The following STAMBP variants were observed in gnomAD, a reference collection of about 807,000 sequenced individuals.
The protein encoded by STAMBP is STAM-binding protein.
Under a neutral mutation model 50.7 loss-of-function variants are expected in STAMBP, and 31 were observed. The ratio of observed to expected loss-of-function variants is 0.61; its 90% CI spans 0.46 to 0.83. STAMBP has a LOEUF of 0.83. STAMBP is among the 40% of genes least tolerant of loss of function. The pLI is 0.00. For synonymous variants in STAMBP, 211 were observed against 192.4 expected, an observed-to-expected ratio of 1.10 and a Z score of -0.80; for missense variants, 472 against 518.9, an observed-to-expected ratio of 0.91 and a Z score of 0.88.
At chr2:73,853,780 A>C (rs1208834659) in intron 7 of STAMBP, among the ~76,000 whole-genome samples, 1 of 152,208 alleles carries the variant, frequency 6.6e-6, no homozygotes, top group Non-Finnish European at 1.5e-5. Context: ...ATCTATGTAC[A>C]TACACTACCT....
chr2:73,872,366 T>C (rs755405753), intron 10 of STAMBP, among the ~76,000 whole-genome samples: 1 of 152,098 alleles, frequency 6.6e-6, no homozygotes, highest in Non-Finnish European at 1.5e-5. Flanking sequence ...GCTGTTAGCT[T>C]TAGATAATAG....
At position 73,836,184 on chromosome 2, in the gene STAMBP, C is replaced by G. The variant is rs553522729; in HGVS notation, c.203+5125C>G. The stretch of plus-strand genomic sequence containing the variant: ...GTATGTACACATCTACAGGTACATT[C>G]TTTCCACACATCCCTGCTGTGCTTT... On this transcript the variant is annotated intron_variant, in intron 2 of 9. Coordinates refer to ENST00000394070, the MANE Select transcript of STAMBP (RefSeq NM_213622.4). Among the ~76,000 whole-genome samples the G allele has an allele frequency of 2.6e-5, 4 of 152,366 alleles. No homozygotes were observed. In the East Asian group the frequency reaches 7.7e-4, roughly 29 times the overall value.
chr2:73,834,538 A>G (rs1674490725), intron 2 of STAMBP, among the ~76,000 whole-genome samples: 1 of 152,000 alleles, frequency 6.6e-6, no homozygotes, highest in Admixed American at 6.6e-5. Flanking sequence ...CATGTTGAGT[A>G]GGCTGAGGAA....
chr2:73,853,212 A>T (rs1677090941), intron 7 of STAMBP, among the ~76,000 whole-genome samples: 2 of 152,116 alleles, frequency 1.3e-5, no homozygotes, highest in African/African-American at 4.8e-5. Flanking sequence ...AGACTGTAAG[A>T]GTTTAAGAAC....
At chr2:73,858,966 A>G (rs2104673909) in intron 7 of STAMBP, among the ~76,000 whole-genome samples, 1 of 151,948 alleles carries the variant, frequency 6.6e-6, no homozygotes, top group Non-Finnish European at 1.5e-5. Flanking sequence ...AACCCTATAT[A>G]TGCTATGTTT....
Position 73,834,995 on chromosome 2 carries a change from T to C in STAMBP, c.203+3936T>C, listed in dbSNP as rs117421624. On this transcript the variant is annotated intron_variant, in intron 2 of 9. Coordinates refer to ENST00000394070, the MANE Select transcript of STAMBP (RefSeq NM_213622.4). ...ACTTTATGGGCCATGGTAAGGAGTC[T>C]GTTTTTTATCTTGAGGGTAACAGCA... Among the ~76,000 whole-genome samples the C allele has an allele frequency of 2.9e-3, 448 of 152,284 alleles. 13 individuals are homozygous for C. The East Asian group carries it at 0.078, about 26-fold the overall frequency.
intron 7 of STAMBP, among the ~76,000 whole-genome samples, chr2:73,852,917 G>T (rs1372898273): frequency 2.4e-5 from 3 of 122,770 alleles, no homozygotes; most frequent in African/African-American, 6.0e-5. Flanking sequence ...ATGTTGGCCA[G>T]GTGTGTGTGT....
rs1331129172 is a variant in STAMBP at position 73,866,628 on chromosome 2, A to C, written c.*4369A>C. 1 of 152,210 alleles carries C rather than the reference A, an allele frequency of 6.6e-6. No individual in the cohort carries two copies. The highest frequency in any genetic ancestry group is 1.5e-5 in the Non-Finnish European group (1 of 68,054). The allele number at this position is 152,210 out of a possible 1,614,324, so 9.4% of individuals were successfully genotyped here. A position where few individuals can be genotyped will look rare whatever the true frequency, so the allele number is the denominator to read the frequency against. ...GTAGGAAGCCATCTGAATTTGACTCAGCATCATATGCTGGGCCTGTGCTGC... is the reference window on the plus strand; with the variant it reads ...GTAGGAAGCCATCTGAATTTGACTCCGCATCATATGCTGGGCCTGTGCTGC... On this transcript the variant is annotated 3_prime_UTR_variant, in exon 10 of 10. Coordinates refer to ENST00000394070, the MANE Select transcript of STAMBP (RefSeq NM_213622.4).
intron 7 of STAMBP, chr2:73,855,776 G>A (rs1027721768): frequency 1.6e-5 from 7 of 438,472 alleles, no homozygotes; most frequent in Non-Finnish European, 2.7e-5. Flanking sequence ...CTCAGATGAG[G>A]CTGCACATAA....
Position 73,850,383 on chromosome 2 carries a change from A to G in STAMBP, c.875A>G (p.Asn292Ser), listed in dbSNP as rs1422195395. The G allele has an allele frequency of 3.1e-6, 5 of 1,609,686 alleles. No individual in the cohort carries two copies. Among genetic ancestry groups the G allele is most frequent in the Admixed American group, 1.7e-5 (1 of 59,238 alleles). ...TGTTTTCTCCTTTGGCAGATGAGGA[A>G]TGAATTTACCATTACCCATGTTCTC... ...CGILCGKLMRNEFTITHVLIP... is the reference protein window; with the variant it reads ...CGILCGKLMRSEFTITHVLIP... Residue 292 changes from asparagine to serine, a missense_variant, in exon 7 of 10, where the codon AAT becomes AGT. Coordinates refer to ENST00000394070, the MANE Select transcript of STAMBP (RefSeq NM_213622.4). This position sits in a 1 kb window ranked among gnomAD's most constrained non-coding sequence, Gnocchi z 4.3.
intron 7 of STAMBP, among the ~76,000 whole-genome samples, chr2:73,853,411 G>T (rs72814141): frequency 0.2 from 30,161 of 152,134 alleles, 3,183 homozygotes; most frequent in East Asian, 0.34. Context: ...CATGTAATAA[G>T]AAAGCACACA....
At chr2:73,859,450 G>A in intron 8 of STAMBP, 84 bp downstream of exon 8, 1 of 1,079,770 alleles carries the variant, frequency 9.3e-7, no homozygotes. Context: ...TATTCTTGTG[G>A]ACTTGTCCTT....
At chr2:73,835,366 A>G (rs2104269133) in intron 2 of STAMBP, among the ~76,000 whole-genome samples, 1 of 151,948 alleles carries the variant, frequency 6.6e-6, no homozygotes, top group Middle Eastern at 3.4e-3. Flanking sequence ...AAAAAAAAAA[A>G]AAAAAGAGAT....
intron 2 of STAMBP, among the ~76,000 whole-genome samples, chr2:73,838,642 C>G (rs1391881610): frequency 6.6e-6 from 1 of 152,130 alleles, no homozygotes; most frequent in Non-Finnish European, 1.5e-5. Context: ...TTTTATGACA[C>G]TTAGTGTTAT....
At chr2:73,841,945 T>G (rs960041785) in intron 2 of STAMBP, among the ~76,000 whole-genome samples, 6 of 152,174 alleles carry the variant, frequency 3.9e-5, no homozygotes, top group Admixed American at 1.3e-4. Context: ...TGTACAGGTC[T>G]GGGAGGTTTT....
At position 73,840,509 on chromosome 2, in the gene STAMBP, T is replaced by C. The variant is rs566818294; in HGVS notation, c.204-4304T>C. ...CTGTAATCCCAGCATTTCGGGAGGC[T>C]GACGCGGGCAGATCACCTGAGGTCA... On this transcript the variant is annotated intron_variant, in intron 2 of 9. Transcript: ENST00000394070. Among the ~76,000 whole-genome samples the C allele has an allele frequency of 2.0e-5, 3 of 152,104 alleles. No individual in the cohort carries two copies. In the East Asian group the frequency reaches 5.8e-4, roughly 29 times the overall value.
At chr2:73,859,163 A>G (rs1411568032) in intron 7 of STAMBP, 91 bp from the exon 8 acceptor site, 1 of 944,788 alleles carries the variant, frequency 1.1e-6, no homozygotes, top group African/African-American at 1.6e-5. Context: ...GTTGATATGG[A>G]TAGCTTTAAA....
intron 2 of STAMBP, among the ~76,000 whole-genome samples, chr2:73,831,652 CAAT>C (rs200446765): frequency 0.028 from 4,286 of 152,190 alleles, 89 homozygotes; most frequent in Non-Finnish European, 0.043. Context: ...ACTCCATTGA[CAAT>C]GATACATAAT....
intron 2 of STAMBP, among the ~76,000 whole-genome samples, chr2:73,843,428 A>C (rs979355017): frequency 1.4e-5 from 2 of 146,572 alleles, no homozygotes; most frequent in Non-Finnish European, 3.0e-5. Flanking sequence ...ATGTATATAT[A>C]TATATAAATT....
Sources: gnomAD v4.1 joint callset for allele counts (sites outside exome capture counted in the v4.1 genomes callset) on GRCh38, gnomAD v4.1.1 for gene constraint, Gnocchi (gnomAD v3.1) non-coding constraint, MANE v1.5 for transcripts, NCBI Gene and HGNC (gene_info 2026-07-23, HGNC 2026-07-21) for gene names.